The following DNAJC1 variants were observed in gnomAD, a reference collection of about 807,000 sequenced individuals.
DNAJC1 encodes dnaJ homolog subfamily C member 1.
A neutral mutation model predicts 76.6 loss-of-function variants in DNAJC1; 58 were observed. The observed-to-expected ratio is 0.76, with a 90% CI of 0.61 to 0.94. DNAJC1 has a LOEUF of 0.94. Among genes scored for constraint, DNAJC1 ranks in the 40% least tolerant of loss-of-function variants. The pLI is 0.00. For missense variants in DNAJC1, 689 were observed against 677.3 expected, an observed-to-expected ratio of 1.02 and a Z score of -0.19; for synonymous variants, 258 against 267.9, an observed-to-expected ratio of 0.96 and a Z score of 0.36.
intron 1 of DNAJC1, among the ~76,000 whole-genome samples, chr10:21,982,138 C>G (rs1438624048): frequency 6.6e-6 from 1 of 152,166 alleles, no homozygotes; most frequent in Non-Finnish European, 1.5e-5. Context: ...CATTCTGTAA[C>G]GAAGTCTCTT....
chr10:21,847,635 A>G lies in DNAJC1; in HGVS notation c.978+34647T>C, dbSNP rs530042125. Among the ~76,000 whole-genome samples, 12 of 152,038 alleles carry G rather than the reference A, an allele frequency of 7.9e-5. No individual in the cohort carries two copies. In the South Asian group the frequency reaches 2.5e-3, roughly 32 times the overall value. ...TCTAGTAACTATCATTCTACTTTCTACCTCTGTGAGATCAAGTTTTTCAGC... is the reference window on the plus strand; with the variant it reads ...TCTAGTAACTATCATTCTACTTTCTGCCTCTGTGAGATCAAGTTTTTCAGC... On this transcript the variant is annotated intron_variant, in intron 8 of 11. Coordinates refer to ENST00000376980, the MANE Select transcript of DNAJC1 (RefSeq NM_022365.4).
At chr10:21,951,190 C>T (rs902750554) in intron 1 of DNAJC1, among the ~76,000 whole-genome samples, 13 of 151,926 alleles carry the variant, frequency 8.6e-5, no homozygotes, top group Admixed American at 5.9e-4. Context: ...CGTTGTGGTA[C>T]GCACCTGTAA....
rs907535498 is a variant in DNAJC1 at position 21,985,538 on chromosome 10, C to T, written c.222+17675G>A. The stretch of plus-strand genomic sequence containing the variant: ...TGCTGGGATTACAGGCGTGTGCCAC[C>T]GTGCCCAGCCACCTGCTTTCCATCT... On this transcript the variant is annotated intron_variant, in intron 1 of 11. Transcript: ENST00000376980. Among the ~76,000 whole-genome samples, 7 of 152,232 alleles carry T rather than the reference C, an allele frequency of 4.6e-5. No individual in the cohort carries two copies. In the South Asian group the frequency reaches 6.2e-4, roughly 14 times the overall value.
intron 1 of DNAJC1, among the ~76,000 whole-genome samples, chr10:21,950,586 G>C (rs1430934359): frequency 3.9e-5 from 6 of 152,150 alleles, no homozygotes; most frequent in Non-Finnish European, 7.3e-5. Flanking sequence ...AGCTAGAAAT[G>C]ATTAAGTTTA....
chr10:21,835,590 C>T (rs1048077239), intron 8 of DNAJC1, among the ~76,000 whole-genome samples: 5 of 152,068 alleles, frequency 3.3e-5, no homozygotes, highest in African/African-American at 9.7e-5. Context: ...AAAAATTAGA[C>T]GAATGGATAA....
chr10:21,767,913 T>A (rs751234738), intron 9 of DNAJC1, among the ~76,000 whole-genome samples: 2 of 152,104 alleles, frequency 1.3e-5, no homozygotes, highest in Non-Finnish European at 2.9e-5. Flanking sequence ...CAGAACTGCT[T>A]GAACCCAGGA....
At chr10:21,769,678 TTTTTCTTTTC>T (rs543220373) in intron 9 of DNAJC1, among the ~76,000 whole-genome samples, 36 of 152,068 alleles carry the variant, frequency 2.4e-4, no homozygotes, top group South Asian at 8.3e-4. Flanking sequence ...AACTCATCAG[TTTTTCTTTTC>T]TTTTCTTTTC....
chr10:21,828,616 C>T (rs1048523210), intron 8 of DNAJC1, among the ~76,000 whole-genome samples: 2 of 152,166 alleles, frequency 1.3e-5, no homozygotes, highest in Non-Finnish European at 2.9e-5. Context: ...CTCATGTACC[C>T]ATCACCCAGC....
chr10:21,846,164 T>A (rs888914164), intron 8 of DNAJC1, among the ~76,000 whole-genome samples: 1 of 152,220 alleles, frequency 6.6e-6, no homozygotes, highest in Non-Finnish European at 1.5e-5. Context: ...ACATAGTTGA[T>A]GTAAGGCTTA....
chr10:21,937,518 C>T (rs371958573), intron 1 of DNAJC1, among the ~76,000 whole-genome samples: 177 of 152,108 alleles, frequency 1.2e-3, no homozygotes, highest in African/African-American at 3.7e-3. Flanking sequence ...TCTATAATAA[C>T]GGAAACTTTA....
chr10:21,940,120 G>A (rs1414570244), intron 1 of DNAJC1, among the ~76,000 whole-genome samples: 1 of 151,600 alleles, frequency 6.6e-6, no homozygotes, highest in Non-Finnish European at 1.5e-5. Context: ...CAGGATTATA[G>A]GATTTTATAC....
intron 8 of DNAJC1, among the ~76,000 whole-genome samples, chr10:21,866,134 C>CAAAAAAAAA (rs1306930222): frequency 2.9e-5 from 1 of 34,032 alleles, no homozygotes; most frequent in African/African-American, 9.6e-5. Flanking sequence ...GACTTCAACT[C>CAAAAAAAAA]AAAAAAAAAA....
At chr10:21,879,911 T>C (rs1028405517) in intron 8 of DNAJC1, among the ~76,000 whole-genome samples, 2 of 152,206 alleles carry the variant, frequency 1.3e-5, no homozygotes, top group African/African-American at 4.8e-5. Flanking sequence ...TGAAGTTTGA[T>C]GCATTAAGTC....
At chr10:21,813,350 G>C (rs913672002) in intron 8 of DNAJC1, among the ~76,000 whole-genome samples, 2 of 150,000 alleles carry the variant, frequency 1.3e-5, no homozygotes, top group Non-Finnish European at 3.0e-5. Flanking sequence ...GGCAGTAATA[G>C]GAAAGGACAT....
chr10:21,942,638 C>G (rs1197622090), intron 1 of DNAJC1, among the ~76,000 whole-genome samples: 2 of 151,658 alleles, frequency 1.3e-5, no homozygotes, highest in Non-Finnish European at 2.9e-5. Context: ...AACGCCGTCT[C>G]TACTAAAAAC....
chr10:21,928,295 C>T (rs200911500), intron 3 of DNAJC1, among the ~76,000 whole-genome samples: 2 of 152,104 alleles, frequency 1.3e-5, no homozygotes. Flanking sequence ...GACTCAAAAT[C>T]CTGAAGCTTG....
At chr10:21,963,819 ATTTAT>A (rs968116258) in intron 1 of DNAJC1, among the ~76,000 whole-genome samples, 5 of 151,792 alleles carry the variant, frequency 3.3e-5, no homozygotes, top group Admixed American at 6.6e-5. Flanking sequence ...TTTTCTACCT[ATTTAT>A]TTTATCAGGG....
At chr10:21,910,655 C>A (rs985741420) in intron 6 of DNAJC1, among the ~76,000 whole-genome samples, 2 of 151,914 alleles carry the variant, frequency 1.3e-5, no homozygotes, top group Admixed American at 1.3e-4. Context: ...ACATCAGGGC[C>A]TGTGGTGGGG....
rs758452827 is a variant in DNAJC1, at chr10:21,766,323, T to C, written c.1099-14A>G. 3.1e-6 allele frequency: 5 copies of C among 1,611,886 alleles called. No individual in the cohort carries two copies. Among genetic ancestry groups the C allele is most frequent in the Non-Finnish European group, 4.2e-6 (5 of 1,177,984 alleles). ...TTTGGTTGTCACCTGTTTCAAAACATAAAAGCAAAAATCTTACTTTCCATG... is the reference window on the plus strand; with the variant it reads ...TTTGGTTGTCACCTGTTTCAAAACACAAAAGCAAAAATCTTACTTTCCATG... On this transcript the variant is annotated splice_polypyrimidine_tract_variant and intron_variant, in intron 9 of 11. Transcript: ENST00000376980.
Sources: gnomAD v4.1 joint callset for allele counts (sites outside exome capture counted in the v4.1 genomes callset) on GRCh38, gnomAD v4.1.1 for gene constraint, MANE v1.5 for transcripts, NCBI Gene and HGNC (gene_info 2026-07-23, HGNC 2026-07-21) for gene names.